Variants in MEDAG observed in about 807,000 individuals in gnomAD.
MEDAG encodes the protein mesenteric estrogen dependent adipogenesis.
In MEDAG, 25 loss-of-function variants were observed where a neutral mutation model predicts 29.9. The observed-to-expected ratio is 0.84, with a 90% CI of 0.61 to 1.17. MEDAG has a LOEUF of 1.17. Among genes scored for constraint, MEDAG ranks in the 50% most tolerant of loss-of-function variants. The pLI is 0.00. For missense variants in MEDAG, 398 were observed against 372.9 expected (o/e 1.07, Z -0.56); for synonymous variants, 158 against 148.2 (o/e 1.07, Z -0.48).
chr13:30,922,443 A>G (rs1952997297), intron 4 of MEDAG: 1 of 152,016 alleles, frequency 6.6e-6, no homozygotes, highest in Non-Finnish European at 1.5e-5. Flanking sequence ...TTTAGTAGAG[A>G]TGGGGTTTCA....
At chr13:30,921,517 T>A in intron 3 of MEDAG, 44 bp from the exon 4 acceptor site, 1 of 1,531,624 alleles carries the variant, frequency 6.5e-7, no homozygotes, top group Non-Finnish European at 8.8e-7. Flanking sequence ...GTCAACAGGA[T>A]ACTTATGTCC....
intron 4 of MEDAG, 156 bp downstream of exon 4, chr13:30,922,002 T>C (rs758228475): frequency 3.6e-5 from 28 of 773,210 alleles, no homozygotes; most frequent in Non-Finnish European, 4.7e-5. Flanking sequence ...GCATGTTTAT[T>C]ACCAAAAACA....
intron 3 of MEDAG, 71 bp downstream of exon 3, chr13:30,921,197 T>A (rs1455712249): frequency 1.1e-5 from 15 of 1,306,432 alleles, no homozygotes; most frequent in Non-Finnish European, 1.5e-5. Flanking sequence ...ATGCAGGAAC[T>A]GAGGCCCTAT....
chr13:30,908,414 C>A (rs1213168244), intron 1 of MEDAG, among the ~76,000 whole-genome samples: 1 of 152,170 alleles, frequency 6.6e-6, no homozygotes, highest in East Asian at 1.9e-4. Context: ...ATGGAAGGAG[C>A]TATCTATTGT....
At chr13:30,918,157 T>C (rs1952947534) in intron 2 of MEDAG, among the ~76,000 whole-genome samples, 1 of 152,154 alleles carries the variant, frequency 6.6e-6, no homozygotes, top group Non-Finnish European at 1.5e-5. Context: ...CCTTTGGAGG[T>C]TGCAGAAATG....
chr13:30,917,450 C>T lies in MEDAG; in HGVS notation c.326C>T (p.Thr109Ile), dbSNP rs150419121. ...TGTGATTATAAAGACTACAGGGAAA[C>T]TATATTGAGCAAACCAATGTTGTTC... The part of the protein sequence containing the change: ...NYCDYKDYRE[T>I]ILSKPMLFFI... Residue 109 changes from threonine to isoleucine, a missense_variant, in exon 2 of 5, where the codon ACT becomes ATT. Thr to Ile is a moderately conservative substitution (Grantham distance 89). Transcript: ENST00000380482. 11 of 1,611,976 alleles carry T rather than the reference C, an allele frequency of 6.8e-6. No homozygotes were observed. The East Asian group carries it at 2.2e-4, about 33-fold the overall frequency.
intron 2 of MEDAG, among the ~76,000 whole-genome samples, chr13:30,918,963 G>A (rs1301078477): frequency 6.6e-6 from 1 of 152,116 alleles, no homozygotes. Context: ...CTCCTGCACC[G>A]ATCACTCAGG....
At chr13:30,917,256 C>T (rs968413471) in intron 1 of MEDAG, 147 bp from the exon 2 acceptor site, 13 of 654,332 alleles carry the variant, frequency 2.0e-5, no homozygotes, top group Admixed American at 8.4e-5. Context: ...CAGAAAGATT[C>T]GTTTATATGG....
Position 30,924,370 on chromosome 13 carries a change from C to A in MEDAG, c.847C>A (p.Leu283Ile). 1 of 1,614,106 alleles carries A rather than the reference C, an allele frequency of 6.2e-7. No homozygotes were observed. Among genetic ancestry groups the A allele is most frequent in the Non-Finnish European group, 8.5e-7 (1 of 1,180,008 alleles). ...LSPRSSLTEP[L>I]LAELPFPSVL... ...ACCCAGATCATCTCTGACAGAGCCT[C>A]TTTTGGCAGAATTACCATTTCCAAG... Residue 283 changes from leucine to isoleucine, a missense_variant, in exon 5 of 5, where the codon CTT becomes ATT. By Grantham distance (5) the Leu-to-Ile change is conservative. Coordinates refer to ENST00000380482, the MANE Select transcript of MEDAG (RefSeq NM_032849.4).
rs77752829 is a variant in MEDAG, at chr13:30,920,012, A to G, written c.389-1002A>G. Reference sequence around the variant, plus strand: ...ACACCAAAAAAATCTGTCTGCCAGGACAGACACGTGGTATTATTTAAACAA... The same window carrying G: ...ACACCAAAAAAATCTGTCTGCCAGGGCAGACACGTGGTATTATTTAAACAA... On this transcript the variant is annotated intron_variant, in intron 2 of 4. Transcript: ENST00000380482. Among the ~76,000 whole-genome samples, 372 of 152,358 alleles carry G rather than the reference A, an allele frequency of 2.4e-3. 6 individuals carry two copies. In the East Asian group the frequency reaches 0.038, roughly 16 times the overall value.
In MEDAG at chr13:30,917,887, C is replaced by T. The variant is rs546604227; in HGVS notation, c.388+375C>T. On this transcript the variant is annotated intron_variant, in intron 2 of 4. Coordinates refer to ENST00000380482, the MANE Select transcript of MEDAG (RefSeq NM_032849.4). ...TTGACATGAGATTTGGGCAGGGACA[C>T]AAATCCAAACCATATCAGTATATAA... Among the ~76,000 whole-genome samples, 3 of 152,294 alleles carry T rather than the reference C, an allele frequency of 2.0e-5. No homozygotes were observed. The South Asian group carries it at 6.2e-4, about 32-fold the overall frequency.
At chr13:30,918,226 T>A (rs528022870) in intron 2 of MEDAG, among the ~76,000 whole-genome samples, 8 of 152,294 alleles carry the variant, frequency 5.3e-5, no homozygotes, top group African/African-American at 1.9e-4. Flanking sequence ...ACCTACTATG[T>A]CTAAGAAGTG....
chr13:30,922,406 C>A (rs139632492), intron 4 of MEDAG: 81 of 152,260 alleles, frequency 5.3e-4, no homozygotes, highest in Middle Eastern at 3.4e-3. Flanking sequence ...CAGGCGCACA[C>A]CACCACGCCT....
chr13:30,921,430 T>A, intron 3 of MEDAG, 131 bp from the exon 4 acceptor site: 1 of 908,082 alleles, frequency 1.1e-6, no homozygotes, highest in Non-Finnish European at 1.6e-6. Flanking sequence ...GACAACAGTT[T>A]AAAAATATGT....
chr13:30,917,440 T>C lies in MEDAG; in HGVS notation c.316T>C (p.Tyr106His), dbSNP rs1952939904. 1.9e-6 allele frequency: 3 copies of C among 1,611,094 alleles called. No homozygotes were observed. In the South Asian group the frequency reaches 3.3e-5, roughly 18 times the overall value. Residue 106 changes from tyrosine (Y) to histidine (H), a missense_variant, in exon 2 of 5, where the codon TAC (tyrosine) becomes CAC (histidine). By Grantham distance (83) the Tyr-to-His change is moderately conservative. Coordinates refer to ENST00000380482, the MANE Select transcript of MEDAG (RefSeq NM_032849.4). Reference sequence around the variant, plus strand: ...GACCAACTACTGTGATTATAAAGACTACAGGGAAACTATATTGAGCAAACC... The same window carrying C: ...GACCAACTACTGTGATTATAAAGACCACAGGGAAACTATATTGAGCAAACC... ...ELTNYCDYKD[Y>H]RETILSKPML... is the part of the protein sequence containing the mutation.
In MEDAG at chr13:30,921,712, A is replaced by G. The variant is rs756878254; in HGVS notation, c.653A>G (p.Asn218Ser). 5 of 1,613,962 alleles carry G rather than the reference A, an allele frequency of 3.1e-6. No homozygotes were observed. The African/African-American group carries it at 4.0e-5, about 13-fold the overall frequency. Residue 218 changes from asparagine (N) to serine (S), a missense_variant, in exon 4 of 5, where the codon AAT (asparagine) becomes AGT (serine). By Grantham distance (46) the Asn-to-Ser change is conservative. Transcript: ENST00000380482. ...CTCAGTAATTCCGTTGTAAAAGTAA[A>G]TGGAAAAGTTCTGAATTTGTCAAGT... ...FGLSNSVVKV[N>S]GKVLNLSSTS...
chr13:30,915,505 G>GTGAA (rs1387842982), intron 1 of MEDAG, among the ~76,000 whole-genome samples: 1 of 152,136 alleles, frequency 6.6e-6, no homozygotes, highest in Non-Finnish European at 1.5e-5. Flanking sequence ...AAGTTACTCA[G>GTGAA]TGAATGAATG....
At chr13:30,923,061 C>CT (rs1953004120) in intron 4 of MEDAG, among the ~76,000 whole-genome samples, 1 of 152,136 alleles carries the variant, frequency 6.6e-6, no homozygotes, top group Non-Finnish European at 1.5e-5. Flanking sequence ...GCTGGGACTA[C>CT]AGGTGTGTGC....
chr13:30,914,793 C>T (rs897806346), intron 1 of MEDAG, among the ~76,000 whole-genome samples: 20 of 152,230 alleles, frequency 1.3e-4, no homozygotes, highest in African/African-American at 3.9e-4. Context: ...CAATTTTGTA[C>T]GCAGAGGGAC....
Sources: allele counts gnomAD v4.1 joint callset (sites outside exome capture counted in the v4.1 genomes callset), GRCh38; gene constraint gnomAD v4.1.1; transcripts MANE v1.5; gene names NCBI Gene and HGNC (gene_info 2026-07-23, HGNC 2026-07-21).